PIR: variants seen among roughly 807,000 people sequenced by gnomAD.
PIR encodes the protein pirin.
A neutral mutation model predicts 24.2 loss-of-function variants in PIR; 22 were observed. That is an observed-to-expected ratio of 0.91 (90% CI 0.65 to 1.30). The LOEUF is 1.30. Ranked by LOEUF, PIR falls within the 50% of genes most tolerant of loss-of-function variation. The pLI is 0.00. For synonymous variants in PIR, 80 were observed against 79.6 expected, an observed-to-expected ratio of 1.00 and a Z score of -0.03; for missense variants, 220 against 220.3, an observed-to-expected ratio of 1.00 and a Z score of 0.01.
At chrX:15,394,773 TG>T (rs1475634067) in intron 8 of PIR, among the ~76,000 whole-genome samples, 2 of 111,994 alleles carry the variant, frequency 1.8e-5, no homozygotes, top group East Asian at 5.6e-4. Flanking sequence ...CAGAGTAGTC[TG>T]GAGTTGATTC....
intron 2 of PIR, among the ~76,000 whole-genome samples, chrX:15,482,210 AT>A (rs773479469): frequency 9.1e-5 from 10 of 110,028 alleles, no homozygotes; most frequent in East Asian, 5.7e-4. Flanking sequence ...ATAAGAAGGG[AT>A]TTTTTTTTCA....
intron 2 of PIR, among the ~76,000 whole-genome samples, chrX:15,481,860 A>G (rs1922520777): frequency 8.9e-6 from 1 of 111,966 alleles, no homozygotes; most frequent in Non-Finnish European, 1.9e-5. Context: ...GCCGTGGCAG[A>G]CTGCAATTTC....
intron 5 of PIR, among the ~76,000 whole-genome samples, chrX:15,449,054 G>A (rs143995048): frequency 0.023 from 2,598 of 111,271 alleles, 65 homozygotes; most frequent in African/African-American, 0.07. Context: ...AATGCCGTCC[G>A]CCCAAAAATC....
intron 6 of PIR, among the ~76,000 whole-genome samples, chrX:15,424,335 TG>T (rs1306008879): frequency 2.7e-5 from 3 of 111,885 alleles, no homozygotes; most frequent in Admixed American, 9.5e-5. Context: ...CACTCTTACA[TG>T]GGAGTAAAAA....
chrX:15,408,583 G>A lies in PIR; in HGVS notation c.566-1033C>T, dbSNP rs941610919. Reference sequence around the variant, plus strand: ...GCACCAACACTTGATTTTCATAGATGTTTATATATTGTACCCATGGCTCAG... The same window carrying A: ...GCACCAACACTTGATTTTCATAGATATTTATATATTGTACCCATGGCTCAG... On this transcript the variant is annotated intron_variant, in intron 6 of 9. Transcript: ENST00000380420. Among the ~76,000 whole-genome samples the A allele has an allele frequency of 4.5e-5, 5 of 112,002 alleles. No individual in the cohort carries two copies. The South Asian group carries it at 1.5e-3, about 33-fold the overall frequency.
At chrX:15,441,896 A>T (rs1010202894) in intron 5 of PIR, among the ~76,000 whole-genome samples, 5 of 111,314 alleles carry the variant, frequency 4.5e-5, no homozygotes, top group South Asian at 3.9e-4. Context: ...GGTCTCAGAT[A>T]TAAGTCGTGT....
Position 15,390,235 on chromosome X carries a change from T to C in PIR, c.710A>G (p.His237Arg). The change falls in exon 9 of 10, where the codon CAC becomes CGC. Residue 237 changes from histidine to arginine, a missense_variant. By Grantham distance (29) the His-to-Arg change is conservative. Transcript: ENST00000380420. Reference protein sequence around the residue: ...QVENKDPKRSHFVLIAGEPLR... With the variant: ...QVENKDPKRSRFVLIAGEPLR... The stretch of plus-strand genomic sequence containing the variant: ...TGGCTCCCCAGCAATTAAGACAAAG[T>C]GGCTTCTCTTGGGATCCTAAAGTTA... The C allele has an allele frequency of 1.8e-6, 2 of 1,136,851 alleles. No individual in the cohort carries two copies. The allele number at this position is 1,136,851 out of a possible 1,213,427, so 93.7% of individuals were successfully genotyped here.
At chrX:15,454,375 TAACTTTGTG>T (rs1208836928) in intron 5 of PIR, among the ~76,000 whole-genome samples, 1 of 110,801 alleles carries the variant, frequency 9.0e-6, no homozygotes, top group African/African-American at 3.3e-5. Flanking sequence ...CAGGTATGCT[TAACTTTGTG>T]AACTTTGATT....
At chrX:15,434,478 G>A (rs1212382764) in intron 5 of PIR, among the ~76,000 whole-genome samples, 1 of 109,998 alleles carries the variant, frequency 9.1e-6, no homozygotes, top group Non-Finnish European at 1.9e-5. Flanking sequence ...GAGAGGGAGA[G>A]GGAGAAGGAG....
At position 15,425,411 on chromosome X, in the gene PIR, C is replaced by CTTTTTTTTTTT. The variant is rs756160029; in HGVS notation, c.565+484_565+494dup. Among the ~76,000 whole-genome samples the CTTTTTTTTTTT allele has an allele frequency of 4.6e-4, 42 of 92,100 alleles. 1 individual carries two copies. Among genetic ancestry groups the CTTTTTTTTTTT allele is most frequent in the African/African-American group, 1.7e-3 (39 of 23,537 alleles). The allele number at this position is 92,100 out of a possible 115,157, so 80.0% of individuals were successfully genotyped here. A position where few individuals can be genotyped will look rare whatever the true frequency, so the allele number is the denominator to read the frequency against. On this transcript the variant is annotated intron_variant, in intron 6 of 9. Transcript: ENST00000380420. Reference sequence around the variant, plus strand: ...CTTTCTGATTTTCTTTTCTTTCTTTCTTTTTTTTTTTTTTTTTTGAGATGG... The same window carrying CTTTTTTTTTTT: ...CTTTCTGATTTTCTTTTCTTTCTTTCTTTTTTTTTTTTTTTTTTTTTTTTTTTTTGAGATGG...
intron 5 of PIR, among the ~76,000 whole-genome samples, chrX:15,436,946 G>A (rs760557399): frequency 8.9e-6 from 1 of 112,118 alleles, no homozygotes; most frequent in African/African-American, 3.2e-5. Flanking sequence ...GTGTCTGCTT[G>A]TACAGGCATG....
At chrX:15,385,300 T>C (rs956155379) in intron 9 of PIR, among the ~76,000 whole-genome samples, 184 bp from the exon 10 acceptor site, 3 of 112,525 alleles carry the variant, frequency 2.7e-5, no homozygotes, top group African/African-American at 9.7e-5. Context: ...ACTAGGATTG[T>C]ATATGATTAT....
At chrX:15,444,913 G>A (rs1926036995) in intron 5 of PIR, among the ~76,000 whole-genome samples, 1 of 111,881 alleles carries the variant, frequency 8.9e-6, no homozygotes, top group Admixed American at 9.5e-5. Flanking sequence ...TGAAACAGAG[G>A]CAGGGAGCAG....
At position 15,387,104 on chromosome X, in the gene PIR, T is replaced by G. The variant is rs1355916757; in HGVS notation, c.761-1988A>C. Among the ~76,000 whole-genome samples the G allele has an allele frequency of 4.2e-5, 3 of 70,702 alleles. No homozygotes were observed. The Admixed American group carries it at 5.2e-4, about 12-fold the overall frequency. 61.4% of individuals were successfully genotyped at this position (70,702 alleles called of 115,157 possible). A position where few individuals can be genotyped will look rare whatever the true frequency, so the allele number is the denominator to read the frequency against. On this transcript the variant is annotated intron_variant, in intron 9 of 9. Transcript: ENST00000380420. ...TTTTTTTTTTTTTTTTTTTTTTTTTTTTGAGACCGAGTCTTGCTCTGTCGC... is the reference window on the plus strand; with the variant it reads ...TTTTTTTTTTTTTTTTTTTTTTTTTGTTGAGACCGAGTCTTGCTCTGTCGC...
At chrX:15,434,714 GTT>G (rs11406856) in intron 5 of PIR, among the ~76,000 whole-genome samples, 3 of 93,015 alleles carry the variant, frequency 3.2e-5, no homozygotes, top group African/African-American at 3.9e-5. Context: ...TGAGAGGTTT[GTT>G]TTTTTTTTTT....
At chrX:15,477,454 G>A (rs1922253137) in intron 3 of PIR, among the ~76,000 whole-genome samples, 1 of 111,964 alleles carries the variant, frequency 8.9e-6, no homozygotes, top group African/African-American at 3.2e-5. Context: ...TTTGTTTTAT[G>A]TTTATTTCTC....
Position 15,431,560 on chromosome X carries a change from A to C in PIR, c.481-5570T>G, listed in dbSNP as rs1925504811. Among the ~76,000 whole-genome samples, 3 of 111,091 alleles carry C rather than the reference A, an allele frequency of 2.7e-5. No homozygotes were observed. In the Admixed American group the frequency reaches 2.9e-4, roughly 11 times the overall value. ...TCCCCATCCAGTCTCCTATTGTTAG[A>C]AAGTTAACATATTCCAACAGATCTC... On this transcript the variant is annotated intron_variant, in intron 5 of 9. Transcript: ENST00000380420.
intron 5 of PIR, among the ~76,000 whole-genome samples, chrX:15,435,346 T>C (rs950602351): frequency 1.8e-5 from 2 of 112,738 alleles, no homozygotes; most frequent in Non-Finnish European, 3.8e-5. Context: ...GGTTTCTTTT[T>C]ATTAAATGGT....
In PIR at chrX:15,468,296, CTG is replaced by C. The variant is rs921098915; in HGVS notation, c.190-8558_190-8557del. Among the ~76,000 whole-genome samples the C allele has an allele frequency of 2.7e-5, 3 of 112,550 alleles. No homozygotes were observed. In the Admixed American group the frequency reaches 2.8e-4, roughly 11 times the overall value. On this transcript the variant is annotated intron_variant, in intron 3 of 9. Transcript: ENST00000380420. ...CATGCATGGCGTCTCTGCTTAAAGA[CTG>C]TGTGTCACTGTGGCAGGCTGCCATC...
Sources: gnomAD v4.1 joint callset for allele counts (sites outside exome capture counted in the v4.1 genomes callset) on GRCh38, gnomAD v4.1.1 for gene constraint, MANE v1.5 for transcripts, NCBI Gene and HGNC (gene_info 2026-07-23, HGNC 2026-07-21) for gene names.